TANGO6: variants seen among roughly 807,000 people sequenced by gnomAD.
The protein encoded by TANGO6 is transport and Golgi organization protein 6 homolog.
In TANGO6, 90 loss-of-function variants were observed where a neutral mutation model predicts 114.2. The observed-to-expected ratio is 0.79, with a 90% confidence interval of 0.66 to 0.94. The LOEUF is 0.94. Ranked by LOEUF, TANGO6 falls within the 40% of genes least tolerant of loss-of-function variation. The pLI is 0.00. For synonymous variants in TANGO6, 477 were observed against 509.8 expected, an observed-to-expected ratio of 0.94 and a Z score of 0.87; for missense variants, 1,274 against 1,315.3, an observed-to-expected ratio of 0.97 and a Z score of 0.49.
chr16:68,956,506 G>A (rs944661782), intron 14 of TANGO6, among the ~76,000 whole-genome samples: 2 of 152,150 alleles, frequency 1.3e-5, no homozygotes, highest in Non-Finnish European at 1.5e-5. Flanking sequence ...CCAAGGGTCT[G>A]GGAGTAGACT....
chr16:69,023,396 C>T (rs1049406932), intron 16 of TANGO6, among the ~76,000 whole-genome samples: 6 of 152,006 alleles, frequency 3.9e-5, no homozygotes, highest in African/African-American at 1.5e-4. Context: ...GCATAGGTTG[C>T]AGTAAGCCAA....
At chr16:68,955,816 C>A (rs1021771107) in intron 14 of TANGO6, among the ~76,000 whole-genome samples, 5 of 152,058 alleles carry the variant, frequency 3.3e-5, no homozygotes, top group Admixed American at 6.6e-5. Flanking sequence ...AGATATCTGC[C>A]TTCCACTTCC....
chr16:69,056,165 C>G (rs771398224), intron 17 of TANGO6, among the ~76,000 whole-genome samples: 3 of 152,156 alleles, frequency 2.0e-5, no homozygotes, highest in Non-Finnish European at 4.4e-5. Context: ...AGTGTAGAAA[C>G]TCTAACATTT....
chr16:68,962,154 A>AATAACCAACT (rs1288562682), intron 14 of TANGO6, among the ~76,000 whole-genome samples: 1 of 152,242 alleles, frequency 6.6e-6, no homozygotes, highest in Non-Finnish European at 1.5e-5. Flanking sequence ...TCCTTTATTT[A>AATAACCAACT]ATAACCAACT....
At chr16:69,068,753 G>A (rs746705777) in intron 17 of TANGO6, among the ~76,000 whole-genome samples, 13 of 152,100 alleles carry the variant, frequency 8.5e-5, no homozygotes, top group Non-Finnish European at 1.3e-4. Context: ...CGCTCTTGTC[G>A]CCCAGGCTGG....
intron 17 of TANGO6, among the ~76,000 whole-genome samples, chr16:69,067,279 C>A (rs965554899): frequency 6.6e-6 from 1 of 151,762 alleles, no homozygotes. Flanking sequence ...GAGGCCAAGA[C>A]GGGTGGATCA....
At chr16:68,863,223 C>T (rs536083513) in intron 3 of TANGO6, 162 bp downstream of exon 3, 16 of 490,960 alleles carry the variant, frequency 3.3e-5, no homozygotes, top group Admixed American at 1.5e-4. Flanking sequence ...AACTAGATGA[C>T]GCTGACCCTT....
intron 7 of TANGO6, among the ~76,000 whole-genome samples, chr16:68,883,311 G>A (rs1162985801): frequency 1.3e-5 from 2 of 152,224 alleles, no homozygotes; most frequent in Non-Finnish European, 2.9e-5. Flanking sequence ...AGACCAGCCT[G>A]GCCAACATGG....
In TANGO6 at chr16:68,908,626, G is replaced by A. The variant is rs181277364; in HGVS notation, c.1801-585G>A. Among the ~76,000 whole-genome samples the A allele has an allele frequency of 3.3e-5, 5 of 152,238 alleles. No individual in the cohort carries two copies. The East Asian group carries it at 9.6e-4, about 29-fold the overall frequency. On this transcript the variant is annotated intron_variant, in intron 10 of 17. Coordinates refer to ENST00000261778, the MANE Select transcript of TANGO6 (RefSeq NM_024562.2). ...GCCCAGGAGGCAGAGGTTTCAGTGA[G>A]CCAAAAAGGGTAGGTGAATAGCCTA...
At chr16:69,006,923 A>T (rs1964096680) in intron 15 of TANGO6, 1 of 152,214 alleles carries the variant, frequency 6.6e-6, no homozygotes, top group Non-Finnish European at 1.5e-5. Flanking sequence ...CCTTGTACCC[A>T]TTCCCAGTCG....
chr16:69,043,872 G>T (rs1959810752), intron 17 of TANGO6, among the ~76,000 whole-genome samples: 1 of 152,172 alleles, frequency 6.6e-6, no homozygotes, highest in Non-Finnish European at 1.5e-5. Flanking sequence ...TCTGTTGCTT[G>T]TGGATGCGTC....
At chr16:69,039,801 A>C (rs1200281910) in intron 16 of TANGO6, among the ~76,000 whole-genome samples, 1 of 152,218 alleles carries the variant, frequency 6.6e-6, no homozygotes, top group Admixed American at 6.5e-5. Flanking sequence ...ATCAGTTAGA[A>C]TATTTCTGTA....
At chr16:68,979,117 C>T (rs958332405) in intron 15 of TANGO6, among the ~76,000 whole-genome samples, 15 of 151,762 alleles carry the variant, frequency 9.9e-5, no homozygotes, top group African/African-American at 3.4e-4. Flanking sequence ...ATGGGGGTCT[C>T]GCTGTGTTCC....
chr16:68,990,433 G>A (rs773787955), intron 15 of TANGO6, among the ~76,000 whole-genome samples: 19 of 152,196 alleles, frequency 1.2e-4, no homozygotes, highest in African/African-American at 4.1e-4. Context: ...TTATTACCAC[G>A]AGAACAGTAT....
At chr16:68,945,102 C>G (rs1963400429) in intron 14 of TANGO6, among the ~76,000 whole-genome samples, 1 of 152,192 alleles carries the variant, frequency 6.6e-6, no homozygotes, top group African/African-American at 2.4e-5. Flanking sequence ...GATCAGGCCA[C>G]TGCACTCCAG....
chr16:68,849,720 G>A (rs997396082), intron 1 of TANGO6, among the ~76,000 whole-genome samples: 4 of 152,028 alleles, frequency 2.6e-5, no homozygotes, highest in African/African-American at 9.7e-5. Context: ...TGAAGGATTA[G>A]AGCCAGGAAA....
intron 12 of TANGO6, among the ~76,000 whole-genome samples, chr16:68,921,612 T>C (rs2152192215): frequency 6.8e-6 from 1 of 147,098 alleles, no homozygotes; most frequent in Non-Finnish European, 1.5e-5. Context: ...GTGTGCTTTT[T>C]TTTTTTTTTT....
intron 15 of TANGO6, among the ~76,000 whole-genome samples, chr16:68,977,563 C>T (rs183955629): frequency 5.2e-4 from 78 of 150,260 alleles, no homozygotes; most frequent in Admixed American, 9.3e-4. Context: ...ATTAGCTGGG[C>T]GTGGTGGCAC....
chr16:69,042,487 T>G (rs762126775), intron 17 of TANGO6, among the ~76,000 whole-genome samples: 3 of 152,034 alleles, frequency 2.0e-5, no homozygotes, highest in South Asian at 2.1e-4. Context: ...GCAGAAGTTG[T>G]AGTGAGCCAG....
Sources: gnomAD v4.1 joint callset for allele counts (sites outside exome capture counted in the v4.1 genomes callset) on GRCh38, gnomAD v4.1.1 for gene constraint, MANE v1.5 for transcripts, NCBI Gene and HGNC (gene_info 2026-07-23, HGNC 2026-07-21) for gene names.